The following SLC24A2 variants were observed in gnomAD, a reference collection of about 807,000 sequenced individuals.
The protein encoded by SLC24A2 is sodium/potassium/calcium exchanger 2.
A neutral mutation model predicts 62.0 loss-of-function variants in SLC24A2; 36 were observed. That is an observed-to-expected ratio of 0.58 (90% confidence interval 0.44 to 0.77). SLC24A2 has a LOEUF of 0.77. SLC24A2 is among the 30% of genes least tolerant of loss of function. The probability of loss-of-function intolerance (pLI) is 0.00; values close to 1 mark genes in which losing one functional copy is unlikely to be tolerated. For synonymous variants in SLC24A2, 358 were observed against 294.0 expected, an observed-to-expected ratio of 1.22 and a Z score of -2.23; for missense variants, 846 against 817.9, an observed-to-expected ratio of 1.03 and a Z score of -0.42.
intron 2 of SLC24A2, among the ~76,000 whole-genome samples, chr9:19,650,812 A>C (rs1818778650): frequency 7.5e-6 from 1 of 133,218 alleles, no homozygotes. Flanking sequence ...CATTGTAAAC[A>C]TCAGCTTCTA....
At chr9:19,863,499 T>A in the SLC24A2 span, among the ~76,000 whole-genome samples, 1,761 of 152,032 alleles carry the variant, frequency 0.012, 19 homozygotes, top group Non-Finnish European at 0.019. Context: ...CTCACAAAAT[T>A]GAAATCATAT....
intron 2 of SLC24A2, among the ~76,000 whole-genome samples, chr9:19,680,704 T>C (rs571502368): frequency 1.3e-5 from 2 of 152,196 alleles, no homozygotes; most frequent in South Asian, 2.1e-4. Context: ...GATTTACTTA[T>C]TTTAAGGCAA....
chr9:19,613,919 C>T (rs1486535121), intron 4 of SLC24A2, among the ~76,000 whole-genome samples: 1 of 152,160 alleles, frequency 6.6e-6, no homozygotes, highest in African/African-American at 2.4e-5. Flanking sequence ...CTTTACATGT[C>T]AGTGTCCTCT....
the SLC24A2 span, among the ~76,000 whole-genome samples, chr9:19,868,146 G>A: frequency 3.3e-5 from 5 of 151,914 alleles, no homozygotes; most frequent in South Asian, 8.3e-4. Flanking sequence ...TCTGATAGTT[G>A]CATTCACTAA....
chr9:20,284,507 G>T, the SLC24A2 span, among the ~76,000 whole-genome samples: 1 of 145,980 alleles, frequency 6.9e-6, no homozygotes, highest in Non-Finnish European at 1.5e-5. Flanking sequence ...CCCTCATTTA[G>T]CCATGTCAAT....
At chr9:20,230,575 G>C in the SLC24A2 span, among the ~76,000 whole-genome samples, 15 of 150,314 alleles carry the variant, frequency 1.0e-4, 1 homozygote, top group East Asian at 2.0e-4. Flanking sequence ...AATTTTGATG[G>C]GGTTGTTTGT....
At chr9:19,716,332 T>C (rs955836939) in intron 2 of SLC24A2, among the ~76,000 whole-genome samples, 2 of 152,224 alleles carry the variant, frequency 1.3e-5, no homozygotes, top group Non-Finnish European at 2.9e-5. Context: ...TACATGACAA[T>C]GATGATGGCT....
At chr9:20,192,716 A>G in the SLC24A2 span, among the ~76,000 whole-genome samples, 4 of 152,216 alleles carry the variant, frequency 2.6e-5, no homozygotes, top group African/African-American at 9.6e-5. Flanking sequence ...CTCATCAGAC[A>G]AACTGCATTG....
intron 2 of SLC24A2, among the ~76,000 whole-genome samples, chr9:19,628,471 T>C (rs1205868244): frequency 6.6e-6 from 1 of 152,180 alleles, no homozygotes; most frequent in African/African-American, 2.4e-5. Flanking sequence ...AATTTAGGAA[T>C]TAACAACCCG....
chr9:19,779,041 A>G (rs1350379914), intron 2 of SLC24A2, among the ~76,000 whole-genome samples: 1 of 152,264 alleles, frequency 6.6e-6, no homozygotes, highest in Non-Finnish European at 1.5e-5. Flanking sequence ...GCTTTAGAGC[A>G]GATTAGACAA....
chr9:19,910,911 T>G, the SLC24A2 span, among the ~76,000 whole-genome samples: 24 of 151,526 alleles, frequency 1.6e-4, no homozygotes, highest in African/African-American at 5.8e-4. Flanking sequence ...TCTTTTCTTT[T>G]ATTTTTTATT....
At chr9:19,525,639 A>G (rs1327713565) in intron 9 of SLC24A2, among the ~76,000 whole-genome samples, 1 of 151,798 alleles carries the variant, frequency 6.6e-6, no homozygotes, top group African/African-American at 2.4e-5. Context: ...CCTGGGGTCA[A>G]GGGATCTGCC....
chr9:20,100,502 A>G, the SLC24A2 span, among the ~76,000 whole-genome samples: 2 of 152,206 alleles, frequency 1.3e-5, no homozygotes, highest in African/African-American at 4.8e-5. Flanking sequence ...ATTTCTCATC[A>G]TAAGTGCAGA....
intron 2 of SLC24A2, among the ~76,000 whole-genome samples, chr9:19,713,066 C>T (rs1820759309): frequency 6.6e-6 from 1 of 152,158 alleles, no homozygotes; most frequent in Non-Finnish European, 1.5e-5. Flanking sequence ...CCTCTCTGTC[C>T]CCTTTCCCTG....
the SLC24A2 span, among the ~76,000 whole-genome samples, chr9:20,093,140 C>T: frequency 2.0e-5 from 3 of 151,554 alleles, no homozygotes; most frequent in Non-Finnish European, 2.9e-5. Context: ...AGCGCAATCT[C>T]GACTCACCGC....
At chr9:19,811,171 C>G in the SLC24A2 span, among the ~76,000 whole-genome samples, 1 of 152,142 alleles carries the variant, frequency 6.6e-6, no homozygotes. Context: ...GGCTGAAGAG[C>G]TAGCTCCCTC....
At chr9:19,925,010 T>C in the SLC24A2 span, among the ~76,000 whole-genome samples, 1 of 152,156 alleles carries the variant, frequency 6.6e-6, no homozygotes, top group Non-Finnish European at 1.5e-5. Flanking sequence ...GAGCAGTCAA[T>C]GCATCAAAGT....
At chr9:19,557,668 A>G (rs1835162473) in intron 7 of SLC24A2, among the ~76,000 whole-genome samples, 1 of 152,040 alleles carries the variant, frequency 6.6e-6, no homozygotes, top group Non-Finnish European at 1.5e-5. Flanking sequence ...TTCACTGAAT[A>G]TTGGTGTCTG....
chr9:20,202,797 C>G, the SLC24A2 span, among the ~76,000 whole-genome samples: 1 of 152,070 alleles, frequency 6.6e-6, no homozygotes, highest in East Asian at 1.9e-4. Flanking sequence ...CCTCTTAAAC[C>G]CTGGCTTTGA....
Sources: allele counts gnomAD v4.1 joint callset (sites outside exome capture counted in the v4.1 genomes callset), GRCh38; gene constraint gnomAD v4.1.1; transcripts MANE v1.5; gene names NCBI Gene and HGNC (gene_info 2026-07-23, HGNC 2026-07-21).